The following TRIP11 variants were observed in gnomAD, a reference collection of about 807,000 sequenced individuals.
TRIP11 encodes thyroid receptor-interacting protein 11.
TRIP11 carries 148 observed loss-of-function variants against 223.1 expected under a neutral mutation model. That is an observed-to-expected ratio of 0.66 (90% CI 0.58 to 0.76). The LOEUF is 0.76. TRIP11 is among the 30% of genes least tolerant of loss of function. The pLI, the probability that TRIP11 is intolerant of heterozygous loss-of-function variation, is 0.00. For synonymous variants in TRIP11, 762 were observed against 772.6 expected (o/e 0.99, Z 0.23); for missense variants, 2,043 against 2,222.0 (o/e 0.92, Z 1.62).
At position 92,006,348 on chromosome 14, in the gene TRIP11, A is replaced by T; in HGVS notation, c.1628T>A (p.Val543Asp). ...CATTTTATCATCTTCAAGTTGATGAACTCTCTTTTTTTCATCATTTAGATC... is the reference window on the plus strand; with the variant it reads ...CATTTTATCATCTTCAAGTTGATGATCTCTCTTTTTTTCATCATTTAGATC... The part of the protein sequence containing the change: ...KQDLNDEKKR[V>D]HQLEDDKMDI... The change falls in exon 11 of 21, where the codon GTT (valine) becomes GAT (aspartate). Residue 543 changes from valine to aspartate, a missense_variant. Val to Asp is a radical substitution (Grantham distance 152). Coordinates refer to ENST00000267622, the MANE Select transcript of TRIP11 (RefSeq NM_004239.4). 4.3e-6 allele frequency: 7 copies of T among 1,610,688 alleles called. No homozygotes were observed. Among genetic ancestry groups the T allele is most frequent in the Non-Finnish European group, 5.9e-6 (7 of 1,178,760 alleles).
intron 1 of TRIP11, among the ~76,000 whole-genome samples, chr14:92,033,851 G>T (rs1026161108): frequency 3.9e-5 from 6 of 152,092 alleles, no homozygotes; most frequent in Admixed American, 1.3e-4. Flanking sequence ...GGAGAGTTGT[G>T]TATTTGTTCC....
chr14:92,003,753 A>C lies in TRIP11; in HGVS notation c.4223T>G (p.Leu1408Ter). ...GATTAAGAGGTCTTTTTCCTTAAGT[A>C]ACTTTTGCAAAACATCTTGTTTCTC... ...LKEKQDVLQK[L>*]LKEKDLLIKA... The change falls in exon 11 of 21, where the codon TTA (leucine) becomes TGA (stop). Residue 1408 changes from leucine to a stop codon, truncating the protein, a stop_gained. Coordinates refer to ENST00000267622, the MANE Select transcript of TRIP11 (RefSeq NM_004239.4). LOFTEE classifies it high-confidence loss of function. 6.2e-7 allele frequency: 1 copy of C among 1,614,172 alleles called. No individual in the cohort carries two copies. The highest frequency in any genetic ancestry group is 8.5e-7 in the Non-Finnish European group (1 of 1,180,032).
intron 2 of TRIP11, among the ~76,000 whole-genome samples, chr14:92,031,621 G>C (rs1452546817): frequency 3.9e-5 from 6 of 152,064 alleles, no homozygotes; most frequent in Admixed American, 3.9e-4. Context: ...ATAATAACCT[G>C]AAATCTATTA....
intron 11 of TRIP11, among the ~76,000 whole-genome samples, chr14:92,001,926 A>G (rs1224546369): frequency 6.6e-6 from 1 of 152,216 alleles, no homozygotes; most frequent in East Asian, 1.9e-4. Flanking sequence ...ACTTCATCAG[A>G]TGACAAAGGA....
Position 91,974,616 on chromosome 14 carries a change from T to G in TRIP11, c.5574+11A>C. 6.3e-7 allele frequency: 1 copy of G among 1,589,798 alleles called. No homozygotes were observed. Among genetic ancestry groups the G allele is most frequent in the Non-Finnish European group, 8.6e-7 (1 of 1,159,660 alleles). ...CTATTCACCTTAAGCAAGAATAAAATTGTTTCTTACACTATTAACCACAGA... is the reference window on the plus strand; with the variant it reads ...CTATTCACCTTAAGCAAGAATAAAAGTGTTTCTTACACTATTAACCACAGA... On this transcript the variant is annotated intron_variant, in intron 19 of 20. Coordinates refer to ENST00000267622, the MANE Select transcript of TRIP11 (RefSeq NM_004239.4).
At position 92,004,829 on chromosome 14, in the gene TRIP11, C is replaced by T. The variant is rs17127842; in HGVS notation, c.3147G>A (p.Leu1049=). ...TTAGTTTACCAACTTCATCTTTGGA[C>T]AACTGATCAATCTGTTTAGTTAAAG... ...NISLTKQIDQ[L]SKDEVGKLTQ... is the part of the protein sequence containing the mutation. The change falls in exon 11 of 21, where the codon TTG becomes TTA. Residue 1049 remains leucine (L), a synonymous_variant. Coordinates refer to ENST00000267622, the MANE Select transcript of TRIP11 (RefSeq NM_004239.4). 2,089 of 1,614,016 alleles carry T rather than the reference C, an allele frequency of 1.3e-3. 22 individuals are homozygous for T. The African/African-American group carries it at 0.024, about 18-fold the overall frequency.
Position 91,995,505 on chromosome 14 carries a change from T to TGG in TRIP11, c.4901_4902dup (p.Ser1635ProfsTer5). ...TCTTGCAATGACTCTACCTGCACAC[T>TGG]GGCTTGATGGCTTCAAACAAAAAGA... On this transcript the variant is annotated frameshift_variant, in exon 14 of 21. Coordinates refer to ENST00000267622, the MANE Select transcript of TRIP11 (RefSeq NM_004239.4). LOFTEE classifies it high-confidence loss of function. 1 of 1,614,106 alleles carries TGG rather than the reference T, an allele frequency of 6.2e-7. No homozygotes were observed. The highest frequency in any genetic ancestry group is 8.5e-7 in the Non-Finnish European group (1 of 1,179,978).
rs1339152714 is a variant in TRIP11, at chr14:92,005,219, A to C, written c.2757T>G (p.Ile919Met). ...GCATCTTACTCTGGTTTTGATCTTC[A>C]ATTATCTTTTGATGATGTTTAATTT... The part of the protein sequence containing the change: ...EEEIKHHQKI[I>M]EDQNQSKMQL... Residue 919 changes from isoleucine to methionine, a missense_variant, in exon 11 of 21, where the codon ATT (isoleucine) becomes ATG (methionine). Transcript: ENST00000267622. 6.2e-7 allele frequency: 1 copy of C among 1,614,010 alleles called. No individual in the cohort carries two copies. Among genetic ancestry groups the C allele is most frequent in the Non-Finnish European group, 8.5e-7 (1 of 1,180,042 alleles).
At chr14:92,035,339 G>T (rs960454349) in intron 1 of TRIP11, among the ~76,000 whole-genome samples, 5 of 151,484 alleles carry the variant, frequency 3.3e-5, no homozygotes, top group African/African-American at 1.2e-4. Context: ...GAAAAGAAAA[G>T]AAAATCATCA....
At chr14:91,975,489 A>T (rs1332474035) in intron 17 of TRIP11, among the ~76,000 whole-genome samples, 1 of 152,176 alleles carries the variant, frequency 6.6e-6, no homozygotes, top group Non-Finnish European at 1.5e-5. Flanking sequence ...TATTTCAAAC[A>T]TCCCAAAATG....
chr14:92,039,691 C>A lies in TRIP11; in HGVS notation c.-6G>T, dbSNP rs1213190962. On this transcript the variant is annotated 5_prime_UTR_variant, in exon 1 of 21. Coordinates refer to ENST00000267622, the MANE Select transcript of TRIP11 (RefSeq NM_004239.4). The stretch of plus-strand genomic sequence containing the variant: ...CCCCCAAGCCAGGACGACATCGCGG[C>A]GAGTTTAGAGAACGACCCGGTCCGC... The A allele has an allele frequency of 6.2e-7, 1 of 1,611,110 alleles. No homozygotes were observed. The highest frequency in any genetic ancestry group is 2.2e-5 in the East Asian group (1 of 44,810).
At chr14:92,029,931 C>T (rs2057241908) in intron 2 of TRIP11, among the ~76,000 whole-genome samples, 1 of 151,818 alleles carries the variant, frequency 6.6e-6, no homozygotes, top group Admixed American at 6.6e-5. Context: ...GGCGCGGTGG[C>T]TCACGCCTGT....
In TRIP11 at chr14:92,021,785, T is replaced by C; in HGVS notation, c.359A>G (p.Gln120Arg). Residue 120 changes from glutamine to arginine, a missense_variant, in exon 4 of 21, where the codon CAG becomes CGG. Physicochemically the swap from Gln to Arg is conservative, Grantham distance 43. Transcript: ENST00000267622. ...AGCAGCTGACTGCAGTTTCAGCAACTGATCCTGGAGTGCAATCTGTCTGGC... is the reference window on the plus strand; with the variant it reads ...AGCAGCTGACTGCAGTTTCAGCAACCGATCCTGGAGTGCAATCTGTCTGGC... ...LKARQIALQD[Q>R]LLKLQSAAQS... 1 of 1,614,190 alleles carries C rather than the reference T, an allele frequency of 6.2e-7. No individual in the cohort carries two copies. The highest frequency in any genetic ancestry group is 1.6e-4 in the Middle Eastern group (1 of 6,062).
chr14:92,020,563 G>A (rs897959775), intron 4 of TRIP11, among the ~76,000 whole-genome samples: 4 of 151,752 alleles, frequency 2.6e-5, no homozygotes, highest in Non-Finnish European at 4.4e-5. Context: ...ATGGTGCCTC[G>A]GAGTCCTGGT....
At chr14:91,988,164 A>G in intron 16 of TRIP11, 120 bp downstream of exon 16, 2 of 748,830 alleles carry the variant, frequency 2.7e-6, no homozygotes, top group South Asian at 1.6e-5. Context: ...GGAAGATACA[A>G]ATGGAAGTCA....
intron 11 of TRIP11, among the ~76,000 whole-genome samples, chr14:92,001,530 CAG>C (rs1305840593): frequency 3.3e-5 from 5 of 151,948 alleles, no homozygotes; most frequent in African/African-American, 1.2e-4. Flanking sequence ...ATATTATATA[CAG>C]AGTATTGGAA....
chr14:92,002,260 C>T (rs1317167260), intron 11 of TRIP11, among the ~76,000 whole-genome samples: 21 of 152,064 alleles, frequency 1.4e-4, no homozygotes, highest in Non-Finnish European at 1.5e-5. Context: ...AAATGAATTG[C>T]ATATAAAAAT....
At chr14:91,970,094 T>C (rs1209631949) in intron 20 of TRIP11, among the ~76,000 whole-genome samples, 1 of 152,184 alleles carries the variant, frequency 6.6e-6, no homozygotes, top group East Asian at 1.9e-4. Context: ...GCACATCTTT[T>C]TGGACTGGTC....
intron 1 of TRIP11, among the ~76,000 whole-genome samples, chr14:92,036,434 A>G (rs773890537): frequency 6.6e-6 from 1 of 152,196 alleles, no homozygotes; most frequent in Non-Finnish European, 1.5e-5. Flanking sequence ...ATCCCTATTC[A>G]ACATATAAGG....
Sources: allele counts gnomAD v4.1 joint callset (sites outside exome capture counted in the v4.1 genomes callset), GRCh38; gene constraint gnomAD v4.1.1; transcripts MANE v1.5; gene names NCBI Gene and HGNC (gene_info 2026-07-23, HGNC 2026-07-21).